Variants in RP1L1 observed in about 807,000 individuals in gnomAD.
The protein encoded by RP1L1 is RP1 like 1, also known as retinitis pigmentosa 1-like 1 protein.
RP1L1 carries 27 observed loss-of-function variants against 15.7 expected under a neutral mutation model. The observed-to-expected ratio is 1.72, with a 90% CI of 1.27 to 2.38. The LOEUF is 2.38. Among genes scored for constraint, RP1L1 ranks in the 30% most tolerant of loss-of-function variants. The pLI, the probability that RP1L1 is intolerant of heterozygous loss-of-function variation, is 0.00. For synonymous variants in RP1L1, 1,813 were observed against 1,276.7 expected (o/e 1.42, Z -8.96); for missense variants, 4,798 against 3,075.9 (o/e 1.56, Z -13.24).
At chr8:10,616,393 C>T in intron 3 of RP1L1, 53 bp downstream of exon 3, 2 of 1,612,790 alleles carry the variant, frequency 1.2e-6, no homozygotes, top group African/African-American at 1.3e-5. Flanking sequence ...CTCAGCCCTA[C>T]TGAACCACCA....
intron 2 of RP1L1, among the ~76,000 whole-genome samples, chr8:10,618,026 C>T (rs1459118692): frequency 1.3e-5 from 2 of 152,108 alleles, no homozygotes; most frequent in African/African-American, 4.8e-5. Flanking sequence ...CAAAAGCATC[C>T]TTGCATTACG....
At position 10,610,587 on chromosome 8, in the gene RP1L1, C is replaced by T; in HGVS notation, c.3511G>A (p.Gly1171Ser). 1.2e-6 allele frequency: 2 copies of T among 1,613,642 alleles called. No homozygotes were observed. Among genetic ancestry groups the T allele is most frequent in the Non-Finnish European group, 8.5e-7 (1 of 1,180,032 alleles). ...CDVGEDQLDSGLWELTWSQAL... is the reference protein window; with the variant it reads ...CDVGEDQLDSSLWELTWSQAL... ...TGGCTCCATGTGAGCTCCCAGAGGC[C>T]TGAGTCCAGCTGGTCTTCCCCAACG... The change falls in exon 4 of 4, where the codon GGC (glycine) becomes AGC (serine). Residue 1171 changes from glycine (G) to serine (S), a missense_variant. By Grantham distance (56) the Gly-to-Ser change is moderately conservative. Coordinates refer to ENST00000382483, the MANE Select transcript of RP1L1 (RefSeq NM_178857.6).
In RP1L1 at chr8:10,610,515, G is replaced by C. The variant is rs755736727; in HGVS notation, c.3583C>G (p.Pro1195Ala). Residue 1195 changes from proline to alanine, a missense_variant, in exon 4 of 4, where the codon CCC (proline) becomes GCC (alanine). Transcript: ENST00000382483. ...GSHAMTENFT[P>A]TSSSGVDISS... ...ATGTCCACACCAGAGGAGGATGTGG[G>C]CGTGAAGTTCTCCGTCATGGCATGG... is the stretch of plus-strand genomic sequence containing the variant. The C allele has an allele frequency of 6.2e-7, 1 of 1,613,800 alleles. No individual in the cohort carries two copies. The highest frequency in any genetic ancestry group is 8.5e-7 in the Non-Finnish European group (1 of 1,180,026).
chr8:10,614,434 C>T (rs1052121724), intron 3 of RP1L1, among the ~76,000 whole-genome samples: 11 of 152,080 alleles, frequency 7.2e-5, no homozygotes, highest in Admixed American at 2.0e-4. Flanking sequence ...CCGAGGCAGG[C>T]GGATCACCTG....
chr8:10,631,314 C>G (rs13250053), intron 1 of RP1L1, among the ~76,000 whole-genome samples: 1 of 140,674 alleles, frequency 7.1e-6, no homozygotes. Context: ...TGCACACACA[C>G]GCACACACGC....
Position 10,612,516 on chromosome 8 carries a change from C to T in RP1L1, c.1582G>A (p.Glu528Lys). ...GGRLTPRARS[E>K]EGASSDSSAS... ...GACGAGTCCGAAGAAGCCCCCTCCT[C>T]ACTCCGGGCCCTCGGTGTCAGGCGG... Residue 528 changes from glutamate (E) to lysine (K), a missense_variant, in exon 4 of 4, where the codon GAG becomes AAG. Coordinates refer to ENST00000382483, the MANE Select transcript of RP1L1 (RefSeq NM_178857.6). 1.2e-6 allele frequency: 2 copies of T among 1,611,884 alleles called. No homozygotes were observed. The highest frequency in any genetic ancestry group is 8.5e-7 in the Non-Finnish European group (1 of 1,179,936).
At chr8:10,624,964 C>G (rs1248288583) in intron 1 of RP1L1, among the ~76,000 whole-genome samples, 2 of 152,178 alleles carry the variant, frequency 1.3e-5, no homozygotes, top group Non-Finnish European at 2.9e-5. Flanking sequence ...TAGGAAGAAG[C>G]CTGGGTGGGG....
rs374999818 is a variant in RP1L1, at chr8:10,609,468, G to A, written c.4630C>T (p.Arg1544Cys). The A allele has an allele frequency of 7.7e-5, 124 of 1,612,090 alleles. No individual in the cohort carries two copies. The highest frequency in any genetic ancestry group is 2.0e-4 in the African/African-American group (15 of 74,944). ...LASAVAELRA[R>C]WGLQDNDLLD... Reference sequence around the variant, plus strand: ...AGATCATTGTCCTGCAGGCCCCAGCGTGCTCGGAGCTCAGCCACCGCACTG... The same window carrying A: ...AGATCATTGTCCTGCAGGCCCCAGCATGCTCGGAGCTCAGCCACCGCACTG... The change falls in exon 4 of 4, where the codon CGC (arginine) becomes TGC (cysteine). Residue 1544 changes from arginine (R) to cysteine (C), a missense_variant. By Grantham distance (180) the Arg-to-Cys change is radical. Transcript: ENST00000382483.
In RP1L1 at chr8:10,609,455, T is replaced by G. The variant is rs764161294; in HGVS notation, c.4643A>C (p.Gln1548Pro). 8.1e-6 allele frequency: 13 copies of G among 1,612,460 alleles called. No homozygotes were observed. Among genetic ancestry groups the G allele is most frequent in the Middle Eastern group, 1.6e-4 (1 of 6,062 alleles). ...CATCTGGTCCAGCAGATCATTGTCC[T>G]GCAGGCCCCAGCGTGCTCGGAGCTC... ...VAELRARWGLQDNDLLDQMAA... is the reference protein window; with the variant it reads ...VAELRARWGLPDNDLLDQMAA... Residue 1548 changes from glutamine (Q) to proline (P), a missense_variant, in exon 4 of 4, where the codon CAG becomes CCG. Transcript: ENST00000382483.
intron 2 of RP1L1, among the ~76,000 whole-genome samples, chr8:10,617,136 G>A (rs1797980619): frequency 6.6e-6 from 1 of 151,982 alleles, no homozygotes; most frequent in Admixed American, 6.6e-5. Flanking sequence ...CTCCTAAAAT[G>A]GTCTCTGGGC....
At chr8:10,636,092 T>C (rs952473931) in intron 1 of RP1L1, among the ~76,000 whole-genome samples, 2 of 152,240 alleles carry the variant, frequency 1.3e-5, no homozygotes, top group African/African-American at 4.8e-5. Context: ...GTGGATGAGT[T>C]GCTTCACCTC....
intron 2 of RP1L1, among the ~76,000 whole-genome samples, chr8:10,619,420 C>T (rs1301326980): frequency 2.0e-5 from 3 of 152,192 alleles, no homozygotes; most frequent in Non-Finnish European, 2.9e-5. Flanking sequence ...ATCATCTTCC[C>T]ATTTGGGATC....
Position 10,623,002 on chromosome 8 carries a change from T to C in RP1L1, c.200A>G (p.Glu67Gly). The C allele has an allele frequency of 6.2e-7, 1 of 1,614,034 alleles. No homozygotes were observed. Among genetic ancestry groups the C allele is most frequent in the Non-Finnish European group, 8.5e-7 (1 of 1,180,002 alleles). ...GGAGAGAGGCACGCGCTGGGAGAGC[T>C]CGTCCATGAGGGCGCTGAAGGTCTT... The part of the protein sequence containing the change: ...AFKTFSALMD[E>G]LSQRVPLSFG... Residue 67 changes from glutamate (E) to glycine (G), a missense_variant, in exon 2 of 4, where the codon GAG (glutamate) becomes GGG (glycine). Transcript: ENST00000382483.
chr8:10,606,381 T>C lies in RP1L1; in HGVS notation c.*514A>G, dbSNP rs1797702404. Reference sequence around the variant, plus strand: ...TTGAGAACAAACTTTATCCAATGACTCTGAAGTTACCTGCTTTGCCCAAGT... The same window carrying C: ...TTGAGAACAAACTTTATCCAATGACCCTGAAGTTACCTGCTTTGCCCAAGT... On this transcript the variant is annotated 3_prime_UTR_variant, in exon 4 of 4. Transcript: ENST00000382483. The C allele has an allele frequency of 1.3e-5, 2 of 154,064 alleles. No individual in the cohort carries two copies. Among genetic ancestry groups the C allele is most frequent in the Admixed American group, 6.4e-5 (1 of 15,626 alleles). The allele number at this position is 154,064 out of a possible 1,614,324, so 9.5% of individuals were successfully genotyped here.
intron 1 of RP1L1, among the ~76,000 whole-genome samples, chr8:10,654,045 G>C (rs898316078): frequency 6.6e-6 from 1 of 152,164 alleles, no homozygotes; most frequent in Non-Finnish European, 1.5e-5. Context: ...GGGAAGTACA[G>C]ATCTGAGGCA....
chr8:10,623,023 G>T lies in RP1L1; in HGVS notation c.179C>A (p.Thr60Asn), dbSNP rs1396460290. ...GAGCTCGTCCATGAGGGCGCTGAAG[G>T]TCTTAAAGGCGCGCTGGTGAACGGC... Reference protein sequence around the residue: ...RLAVHQRAFKTFSALMDELSQ... With the variant: ...RLAVHQRAFKNFSALMDELSQ... Residue 60 changes from threonine (T) to asparagine (N), a missense_variant, in exon 2 of 4, where the codon ACC (threonine) becomes AAC (asparagine). Coordinates refer to ENST00000382483, the MANE Select transcript of RP1L1 (RefSeq NM_178857.6). The T allele has an allele frequency of 6.2e-7, 1 of 1,614,142 alleles. No homozygotes were observed. The highest frequency in any genetic ancestry group is 2.2e-5 in the East Asian group (1 of 44,878).
intron 2 of RP1L1, among the ~76,000 whole-genome samples, chr8:10,619,824 G>A (rs1798030115): frequency 6.6e-6 from 1 of 152,082 alleles, no homozygotes; most frequent in Non-Finnish European, 1.5e-5. Context: ...GCTGGGCATG[G>A]TGGCAGGCGC....
Position 10,608,048 on chromosome 8 carries a change from TG to T in RP1L1, c.6049del (p.Gln2017SerfsTer7). 6.2e-7 allele frequency: 1 copy of T among 1,613,092 alleles called. No individual in the cohort carries two copies. The highest frequency in any genetic ancestry group is 8.5e-7 in the Non-Finnish European group (1 of 1,179,784). ...GGCCTCTACACCGTCTGACTCTGGC[TG>T]GGCCTCCTCTTCTGCCTCTTGCATC... is the stretch of plus-strand genomic sequence containing the variant. ...GEMQEAEEEA[Q>X]PESDGVEAQP... is the part of the protein sequence containing the mutation. On this transcript the variant is annotated frameshift_variant, in exon 4 of 4. Coordinates refer to ENST00000382483, the MANE Select transcript of RP1L1 (RefSeq NM_178857.6). LOFTEE classifies it low-confidence loss of function (END_TRUNC).
chr8:10,650,587 C>T (rs908061564), intron 1 of RP1L1, among the ~76,000 whole-genome samples: 5 of 150,252 alleles, frequency 3.3e-5, no homozygotes, highest in African/African-American at 7.4e-5. Flanking sequence ...GAGGGAGTCT[C>T]GCTCTGTCGT....
Sources: gnomAD v4.1 joint callset for allele counts (sites outside exome capture counted in the v4.1 genomes callset) on GRCh38, gnomAD v4.1.1 for gene constraint, MANE v1.5 for transcripts, NCBI Gene and HGNC (gene_info 2026-07-23, HGNC 2026-07-21) for gene names.